ANAPC1: variants seen among roughly 807,000 people sequenced by gnomAD.
The protein encoded by ANAPC1 is anaphase-promoting complex subunit 1.
In ANAPC1, 36 loss-of-function variants were observed where a neutral mutation model predicts 208.0. That is an observed-to-expected ratio of 0.17 (90% CI 0.13 to 0.23). The LOEUF (loss-of-function observed/expected upper bound fraction) is 0.23, where lower values mean the gene tolerates loss of function less well. ANAPC1 is among the 10% of genes least tolerant of loss of function. The pLI, the probability that ANAPC1 is intolerant of heterozygous loss-of-function variation, is 1.00. For missense variants in ANAPC1, 942 were observed against 2,011.6 expected (o/e 0.47, Z 10.17); for synonymous variants, 378 against 695.2 (o/e 0.54, Z 7.18).
chr2:111,857,006 T>A, intron 11 of ANAPC1, 120 bp from the exon 12 acceptor site: 1 of 658,918 alleles, frequency 1.5e-6, no homozygotes, highest in South Asian at 2.0e-5. Flanking sequence ...AGCCCATTTA[T>A]ATAACATTCA....
chr2:111,872,354 A>G (rs1204871627), intron 6 of ANAPC1, among the ~76,000 whole-genome samples: 3 of 152,146 alleles, frequency 2.0e-5, no homozygotes, highest in Admixed American at 1.3e-4. Flanking sequence ...TATCTTTTTG[A>G]TGACAGCAAC....
intron 27 of ANAPC1, among the ~76,000 whole-genome samples, chr2:111,816,524 G>A (rs1381893363): frequency 6.7e-6 from 1 of 150,306 alleles, no homozygotes; most frequent in Non-Finnish European, 1.5e-5. Flanking sequence ...TAAGAACAAT[G>A]TAAATTATAT....
At chr2:111,819,149 T>A (rs1028766398) in intron 26 of ANAPC1, 191 bp from the exon 27 acceptor site, 2 of 932,924 alleles carry the variant, frequency 2.1e-6, no homozygotes, top group African/African-American at 3.6e-5. Flanking sequence ...CCTATTACAC[T>A]CTTAGGGAGA....
chr2:111,869,166 G>T (rs996913537), intron 6 of ANAPC1, among the ~76,000 whole-genome samples: 3 of 152,142 alleles, frequency 2.0e-5, no homozygotes, highest in African/African-American at 7.2e-5. Flanking sequence ...TAACGCGTAA[G>T]GAAACTATAG....
chr2:111,853,654 T>C (rs1041136019), intron 13 of ANAPC1, among the ~76,000 whole-genome samples: 2 of 151,474 alleles, frequency 1.3e-5, no homozygotes, highest in African/African-American at 4.8e-5. Context: ...GTTGATATTT[T>C]GTCCTCCTCC....
At chr2:111,882,953 G>A (rs900974976) in intron 1 of ANAPC1, among the ~76,000 whole-genome samples, 9 of 152,038 alleles carry the variant, frequency 5.9e-5, no homozygotes, top group African/African-American at 2.2e-4. Flanking sequence ...GGATCACGAG[G>A]TCAGGAGTTC....
Position 111,825,149 on chromosome 2 carries a change from A to G in ANAPC1, c.2723T>C (p.Val908Ala), listed in dbSNP as rs1679764196. 6.2e-7 allele frequency: 1 copy of G among 1,613,618 alleles called. No individual in the cohort carries two copies. The highest frequency in any genetic ancestry group is 8.5e-7 in the Non-Finnish European group (1 of 1,179,822). Reference protein sequence around the residue: ...RITIAPQKLQVEQEENRFSFR... With the variant: ...RITIAPQKLQAEQEENRFSFR... ...AAGTCACCTGTTTTCCTCTTGTTCT[A>G]CTTGCAACTTCTGGGGGGCTAAAAG... The change falls in exon 23 of 48, where the codon GTA becomes GCA. Residue 908 changes from valine to alanine, a missense_variant. Physicochemically the swap from Val to Ala is moderately conservative, Grantham distance 64. Transcript: ENST00000341068.
intron 9 of ANAPC1, 25 bp downstream of exon 9, chr2:111,863,650 A>G (rs552320309): frequency 7.5e-6 from 12 of 1,595,920 alleles, no homozygotes; most frequent in Middle Eastern, 2.0e-4. Flanking sequence ...AAAGCTTAGA[A>G]AGAAAAACCA....
chr2:111,782,840 C>T (rs1211695074), intron 42 of ANAPC1, among the ~76,000 whole-genome samples: 2 of 152,064 alleles, frequency 1.3e-5, no homozygotes, highest in Non-Finnish European at 2.9e-5. Flanking sequence ...ACATGAGGTA[C>T]TAAATATCTA....
intron 18 of ANAPC1, among the ~76,000 whole-genome samples, chr2:111,836,499 T>C (rs1466566881): frequency 6.7e-6 from 1 of 150,170 alleles, no homozygotes; most frequent in African/African-American, 2.5e-5. Context: ...AATTTAAAAA[T>C]TAGCCAGGCG....
intron 47 of ANAPC1, among the ~76,000 whole-genome samples, chr2:111,770,899 A>G (rs1473832012): frequency 6.6e-6 from 1 of 151,700 alleles, no homozygotes; most frequent in African/African-American, 2.4e-5. Context: ...GTCTGTTTCT[A>G]TTATCTGTTT....
At chr2:111,779,893 G>A in intron 44 of ANAPC1, 1 of 235,596 alleles carries the variant, frequency 4.2e-6, no homozygotes. Flanking sequence ...AAGCACCCTT[G>A]GAATCTTGAA....
At chr2:111,838,656 T>A (rs181410275) in intron 17 of ANAPC1, 144 bp from the exon 18 acceptor site, 1 of 600,098 alleles carries the variant, frequency 1.7e-6, no homozygotes, top group African/African-American at 1.9e-5. Context: ...TGGAAAGGCA[T>A]TATTTAAATA....
intron 21 of ANAPC1, among the ~76,000 whole-genome samples, chr2:111,826,217 T>C (rs1217896294): frequency 2.0e-5 from 3 of 152,164 alleles, no homozygotes; most frequent in Non-Finnish European, 4.4e-5. Flanking sequence ...AGAAAATAAT[T>C]ATAACATAGA....
intron 21 of ANAPC1, among the ~76,000 whole-genome samples, chr2:111,828,927 A>G (rs922728525): frequency 6.6e-6 from 1 of 152,136 alleles, no homozygotes; most frequent in Non-Finnish European, 1.5e-5. Context: ...CTCAAAAATA[A>G]TTTCAGGCCG....
rs748335801 is a variant in ANAPC1, at chr2:111,850,887, T to C, written c.1539A>G (p.Gly513=). 6.2e-7 allele frequency: 1 copy of C among 1,601,816 alleles called. No homozygotes were observed. The highest frequency in any genetic ancestry group is 8.5e-7 in the Non-Finnish European group (1 of 1,177,410). The change falls in exon 14 of 48, where the codon GGA becomes GGG. Residue 513 remains glycine (G), a synonymous_variant. Transcript: ENST00000341068. ...VVRVGKVFIP[G]LPAPSLTMSN... The stretch of plus-strand genomic sequence containing the variant: ...ACATCGTCAGAGAGGGAGCTGGCAG[T>C]CCAGGAATAAAAACCTTTCCCACCT...
rs1681857368 is a variant in ANAPC1, at chr2:111,858,411, A to G, written c.1263-10T>C. 1 of 1,595,498 alleles carries G rather than the reference A, an allele frequency of 6.3e-7. No individual in the cohort carries two copies. Among genetic ancestry groups the G allele is most frequent in the Non-Finnish European group, 8.6e-7 (1 of 1,164,820 alleles). ...TTGTGAATTTTTCTCTCTATAATAG[A>G]TACATTAATAAAGTAACTGTCAGCA... On this transcript the variant is annotated splice_polypyrimidine_tract_variant and intron_variant, in intron 10 of 47. Transcript: ENST00000341068.
intron 7 of ANAPC1, among the ~76,000 whole-genome samples, chr2:111,867,623 C>A (rs1682503717): frequency 6.6e-6 from 1 of 150,824 alleles, no homozygotes; most frequent in African/African-American, 2.4e-5. Flanking sequence ...ACTCGGGAGG[C>A]AGAGGTTACA....
intron 3 of ANAPC1, among the ~76,000 whole-genome samples, chr2:111,877,745 C>T (rs1438934201): frequency 6.6e-6 from 1 of 152,126 alleles, no homozygotes; most frequent in African/African-American, 2.4e-5. Context: ...GATCATGCCA[C>T]TGCACTCCAG....
Sources: gnomAD v4.1 joint callset for allele counts (sites outside exome capture counted in the v4.1 genomes callset) on GRCh38, gnomAD v4.1.1 for gene constraint, MANE v1.5 for transcripts, NCBI Gene and HGNC (gene_info 2026-07-23, HGNC 2026-07-21) for gene names.